Variants in PSMD14 observed in about 807,000 individuals in gnomAD.
PSMD14 encodes ubiquitin C-terminal hydrolase PSMD14.
Under a neutral mutation model 41.2 loss-of-function variants are expected in PSMD14, and 7 were observed. The observed-to-expected ratio is 0.17, with a 90% CI of 0.10 to 0.32. PSMD14 has a LOEUF of 0.32. Ranked by LOEUF, PSMD14 falls within the 10% of genes least tolerant of loss-of-function variation. The pLI is 1.00. For missense variants in PSMD14, 139 were observed against 375.6 expected (o/e 0.37, Z 5.21); for synonymous variants, 114 against 122.3 (o/e 0.93, Z 0.45).
intron 10 of PSMD14, chr2:161,408,574 T>C (rs1205859957): frequency 2.6e-6 from 1 of 387,194 alleles, no homozygotes; most frequent in Non-Finnish European, 4.9e-6. Context: ...TTGCAAATGG[T>C]CAACACAATC....
At chr2:161,344,018 A>G (rs552136539) in intron 3 of PSMD14, among the ~76,000 whole-genome samples, 189 of 151,654 alleles carry the variant, frequency 1.2e-3, no homozygotes, top group Non-Finnish European at 1.5e-3. Context: ...ACATTGTATT[A>G]GGTATTATAA....
At position 161,396,256 on chromosome 2, in the gene PSMD14, A is replaced by G. The variant is rs549508015; in HGVS notation, c.771+1053A>G. Among the ~76,000 whole-genome samples, 4 of 152,326 alleles carry G rather than the reference A, an allele frequency of 2.6e-5. No homozygotes were observed. In the East Asian group the frequency reaches 7.7e-4, roughly 29 times the overall value. On this transcript the variant is annotated intron_variant, in intron 10 of 11. Transcript: ENST00000409682. Reference sequence around the variant, plus strand: ...AGGAGATAGAAAAGGCATAGAACAGATCCCGCAATCCCACCACTGGTTGCA... The same window carrying G: ...AGGAGATAGAAAAGGCATAGAACAGGTCCCGCAATCCCACCACTGGTTGCA...
At chr2:161,339,944 C>T (rs1158258481) in intron 3 of PSMD14, among the ~76,000 whole-genome samples, 3 of 152,254 alleles carry the variant, frequency 2.0e-5, no homozygotes, top group Non-Finnish European at 4.4e-5. Context: ...AACCTAAGAA[C>T]TGCAAATGAG....
chr2:161,324,811 C>A (rs965920346), intron 3 of PSMD14, among the ~76,000 whole-genome samples: 1 of 152,070 alleles, frequency 6.6e-6, no homozygotes, highest in East Asian at 1.9e-4. Flanking sequence ...ACCTTCCAGG[C>A]ATATAACAGG....
chr2:161,357,670 TAGC>T (rs1454256524), intron 3 of PSMD14, among the ~76,000 whole-genome samples: 1 of 152,192 alleles, frequency 6.6e-6, no homozygotes, highest in African/African-American at 2.4e-5. Context: ...ATTTAAGTTT[TAGC>T]AGCAGACTGT....
chr2:161,409,162 TA>T (rs139836287), intron 11 of PSMD14, among the ~76,000 whole-genome samples: 1,538 of 152,158 alleles, frequency 0.01, 39 homozygotes, highest in African/African-American at 0.036. Flanking sequence ...TATCCTGAAT[TA>T]ATTTTTTAAG....
At chr2:161,351,458 A>G (rs1683116296) in intron 3 of PSMD14, among the ~76,000 whole-genome samples, 1 of 152,176 alleles carries the variant, frequency 6.6e-6, no homozygotes, top group Non-Finnish European at 1.5e-5. Context: ...TAAGTCCTCA[A>G]GTTTCCCATA....
intron 10 of PSMD14, among the ~76,000 whole-genome samples, chr2:161,402,273 AAAG>A (rs1266289888): frequency 2.0e-5 from 3 of 152,226 alleles, no homozygotes; most frequent in African/African-American, 7.2e-5. Context: ...CTATTTAAAA[AAAG>A]AGAAAAGACA....
chr2:161,370,248 A>G, intron 6 of PSMD14, 71 bp downstream of exon 6: 2 of 1,127,198 alleles, frequency 1.8e-6, no homozygotes, highest in South Asian at 1.6e-5. Context: ...AAAGTTATAG[A>G]TGTTTATCAA....
At chr2:161,366,706 TAAG>T in intron 3 of PSMD14, among the ~76,000 whole-genome samples, 1 of 152,304 alleles carries the variant, frequency 6.6e-6, no homozygotes, top group East Asian at 1.9e-4. Context: ...ATCACATTTA[TAAG>T]ATTATAGGCA....
chr2:161,364,735 C>A (rs574254416), intron 3 of PSMD14, among the ~76,000 whole-genome samples: 1 of 152,268 alleles, frequency 6.6e-6, no homozygotes, highest in African/African-American at 2.4e-5. Flanking sequence ...GGCAGTATTT[C>A]ACTGGTACCA....
intron 3 of PSMD14, among the ~76,000 whole-genome samples, chr2:161,344,821 T>C (rs978497378): frequency 6.6e-6 from 1 of 152,224 alleles, no homozygotes; most frequent in Non-Finnish European, 1.5e-5. Context: ...TTTTCAGATA[T>C]TATCTCTCAG....
chr2:161,364,275 C>T (rs1683328511), intron 3 of PSMD14, among the ~76,000 whole-genome samples: 1 of 152,142 alleles, frequency 6.6e-6, no homozygotes, highest in Non-Finnish European at 1.5e-5. Context: ...TGTTCAGCTG[C>T]CAGTATCATC....
chr2:161,405,031 C>T (rs565958119), intron 10 of PSMD14, among the ~76,000 whole-genome samples: 62 of 152,332 alleles, frequency 4.1e-4, no homozygotes, highest in African/African-American at 1.4e-3. Flanking sequence ...TTCATTACTT[C>T]AGATGCTGCT....
rs576912166 is a variant in PSMD14 at position 161,343,801 on chromosome 2, C to G, written c.49-23677C>G. On this transcript the variant is annotated intron_variant, in intron 3 of 11. Coordinates refer to ENST00000409682, the MANE Select transcript of PSMD14 (RefSeq NM_005805.6). Reference sequence around the variant, plus strand: ...CAAGACTGCGCCACTGCACTCCAGCCTAGGGGATGGAGTGATACTCTGTCT... The same window carrying G: ...CAAGACTGCGCCACTGCACTCCAGCGTAGGGGATGGAGTGATACTCTGTCT... Among the ~76,000 whole-genome samples the G allele has an allele frequency of 3.4e-5, 5 of 148,814 alleles. No individual in the cohort carries two copies. In the South Asian group the frequency reaches 1.1e-3, roughly 32 times the overall value.
intron 9 of PSMD14, among the ~76,000 whole-genome samples, chr2:161,393,637 C>T (rs1320305728): frequency 6.6e-6 from 1 of 152,130 alleles, no homozygotes; most frequent in Non-Finnish European, 1.5e-5. Context: ...ATTCTTATGG[C>T]TCAGGGATCT....
At chr2:161,393,656 G>A (rs2105267491) in intron 9 of PSMD14, among the ~76,000 whole-genome samples, 1 of 152,158 alleles carries the variant, frequency 6.6e-6, no homozygotes, top group East Asian at 1.9e-4. Flanking sequence ...CTCATTTAAA[G>A]TATAATGGTT....
chr2:161,338,225 T>C (rs1391779273), intron 3 of PSMD14, among the ~76,000 whole-genome samples: 1 of 152,142 alleles, frequency 6.6e-6, no homozygotes, highest in Non-Finnish European at 1.5e-5. Context: ...GAACTATATT[T>C]AGAGCTATAA....
rs562595084 is a variant in PSMD14 at position 161,349,212 on chromosome 2, G to A, written c.49-18266G>A. Among the ~76,000 whole-genome samples the A allele has an allele frequency of 7.2e-5, 11 of 152,288 alleles. No individual in the cohort carries two copies. The East Asian group carries it at 7.7e-4, about 11-fold the overall frequency. ...ACAGTCTGTTGTTTTATAAGTATGCGTCAAATCCTAATAGTTCCCCTTTCT... is the reference window on the plus strand; with the variant it reads ...ACAGTCTGTTGTTTTATAAGTATGCATCAAATCCTAATAGTTCCCCTTTCT... On this transcript the variant is annotated intron_variant, in intron 3 of 11. Transcript: ENST00000409682.
Sources: gnomAD v4.1 joint callset for allele counts (sites outside exome capture counted in the v4.1 genomes callset) on GRCh38, gnomAD v4.1.1 for gene constraint, MANE v1.5 for transcripts, NCBI Gene and HGNC (gene_info 2026-07-23, HGNC 2026-07-21) for gene names.